BYSL: variants seen among roughly 807,000 people sequenced by gnomAD.
BYSL encodes the protein bystin.
A neutral mutation model predicts 45.4 loss-of-function variants in BYSL; 21 were observed. The ratio of observed to expected loss-of-function variants is 0.46; its 90% confidence interval spans 0.33 to 0.67. The LOEUF is 0.67. Among genes scored for constraint, BYSL ranks in the 30% least tolerant of loss-of-function variants. The probability of loss-of-function intolerance (pLI) is 0.02; values close to 1 mark genes in which losing one functional copy is unlikely to be tolerated. For missense variants in BYSL, 522 were observed against 578.5 expected (o/e 0.90, Z 1.00); for synonymous variants, 215 against 231.3 (o/e 0.93, Z 0.64).
At chr6:41,920,325 C>T (rs1775427440), upstream of BYSL, among the ~76,000 whole-genome samples, 1 of 152,072 alleles carries the variant, frequency 6.6e-6, no homozygotes, top group African/African-American at 2.4e-5. Context: ...CAGACACAAG[C>T]GGGTCTAACT....
rs529789109 is a variant in BYSL at position 41,926,739 on chromosome 6, G to A, written c.269-635G>A. ...GCTGGGATTACAGGCGTGAGCCACC[G>A]TGCCCGGCCACTTCTTGGGTTTATA... On this transcript the variant is annotated intron_variant, in intron 1 of 6. Coordinates refer to ENST00000230340, the MANE Select transcript of BYSL (RefSeq NM_004053.4). 4.0e-5 allele frequency among the ~76,000 whole-genome samples: 6 copies of A among 150,346 alleles called. No individual in the cohort carries two copies. In the East Asian group the frequency reaches 8.1e-4, roughly 20 times the overall value.
upstream of BYSL, among the ~76,000 whole-genome samples, chr6:41,919,076 C>A (rs1450650130): frequency 1.3e-5 from 2 of 148,338 alleles, no homozygotes; most frequent in Non-Finnish European, 3.0e-5. Flanking sequence ...TTGCAGTGAG[C>A]CGAGATCACG....
chr6:41,931,646 C>T (rs1283753072), intron 5 of BYSL, 82 bp from the exon 6 acceptor site: 11 of 1,608,184 alleles, frequency 6.8e-6, no homozygotes, highest in Non-Finnish European at 9.4e-6. Flanking sequence ...CTAGCTGTCC[C>T]TGGGCTGGGT....
At chr6:41,909,198 G>GA in the BYSL span, 5 of 1,527,892 alleles carry the variant, frequency 3.3e-6, no homozygotes, top group Non-Finnish European at 4.4e-6. Context: ...AGAAGAACTG[G>GA]AAAATCTTCA....
In BYSL at chr6:41,930,139, C is replaced by T. The variant is rs759142222; in HGVS notation, c.439C>T (p.Leu147=). 1 of 1,614,144 alleles carries T rather than the reference C, an allele frequency of 6.2e-7. No homozygotes were observed. Among genetic ancestry groups the T allele is most frequent in the South Asian group, 1.1e-5 (1 of 91,086 alleles). ...MNKNPPARRT[L]ADIIMEKLTE... ...TGGCACTTCCCCTCTTAGGCGCACC[C>T]TGGCTGACATCATCATGGAGAAGCT... Residue 147 remains leucine (L), a synonymous_variant, in exon 3 of 7, where the codon CTG becomes TTG. Transcript: ENST00000230340.
the BYSL span, chr6:41,909,517 T>C: frequency 6.2e-7 from 1 of 1,614,092 alleles, no homozygotes; most frequent in East Asian, 2.2e-5. Flanking sequence ...AGCTTCCCGG[T>C]CTGACCTGCA....
At chr6:41,930,876 G>C in intron 4 of BYSL, 108 bp downstream of exon 4, 1 of 1,424,768 alleles carries the variant, frequency 7.0e-7, no homozygotes, top group South Asian at 1.4e-5. Flanking sequence ...CTTTGCCCCA[G>C]GGCCCTCTCT....
intron 4 of BYSL, 113 bp from the exon 5 acceptor site, chr6:41,931,283 G>A: frequency 1.6e-6 from 2 of 1,245,104 alleles, no homozygotes; most frequent in Non-Finnish European, 2.3e-6. Flanking sequence ...CTGAAAGAAA[G>A]GTCCCATATT....
the BYSL span, among the ~76,000 whole-genome samples, chr6:41,910,490 G>A: frequency 1.2e-4 from 18 of 151,922 alleles, no homozygotes; most frequent in African/African-American, 3.6e-4. Context: ...AAATTATCTG[G>A]GTGTGGCGGT....
intron 1 of BYSL, among the ~76,000 whole-genome samples, chr6:41,924,143 CT>C (rs1775530876): frequency 6.6e-6 from 1 of 151,912 alleles, no homozygotes; most frequent in African/African-American, 2.4e-5. Context: ...TCACTGCAAC[CT>C]CCACCTCCCG....
At chr6:41,915,527 C>T in the BYSL span, among the ~76,000 whole-genome samples, 1 of 152,058 alleles carries the variant, frequency 6.6e-6, no homozygotes, top group African/African-American at 2.4e-5. Flanking sequence ...GTGGCTCACG[C>T]CTATAATCCC....
At chr6:41,917,228 C>T (rs796845370), upstream of BYSL, among the ~76,000 whole-genome samples, 2 of 152,076 alleles carry the variant, frequency 1.3e-5, no homozygotes, top group African/African-American at 4.8e-5. Context: ...GGTGAAACCC[C>T]GTCTCTACTA....
upstream of BYSL, among the ~76,000 whole-genome samples, chr6:41,919,571 A>C (rs1358342268): frequency 6.6e-6 from 1 of 152,150 alleles, no homozygotes; most frequent in Non-Finnish European, 1.5e-5. Flanking sequence ...AAGTCCTAGG[A>C]TTCTGAAAAC....
chr6:41,924,453 A>G (rs1775536307), intron 1 of BYSL, among the ~76,000 whole-genome samples: 1 of 152,168 alleles, frequency 6.6e-6, no homozygotes, highest in African/African-American at 2.4e-5. Flanking sequence ...GGGTGCGTTC[A>G]GGGTGGTATG....
At chr6:41,929,943 T>C (rs1169215718) in intron 2 of BYSL, among the ~76,000 whole-genome samples, 189 bp from the exon 3 acceptor site, 4 of 152,234 alleles carry the variant, frequency 2.6e-5, no homozygotes, top group Non-Finnish European at 4.4e-5. Flanking sequence ...TCAGTTCCTT[T>C]GCACCCTGCA....
chr6:41,928,284 T>C (rs998659705), intron 2 of BYSL, among the ~76,000 whole-genome samples: 2 of 152,198 alleles, frequency 1.3e-5, no homozygotes, highest in African/African-American at 2.4e-5. Context: ...AACATAATGG[T>C]GTCCCTGATA....
the BYSL span, among the ~76,000 whole-genome samples, chr6:41,911,998 G>A: frequency 6.6e-4 from 100 of 151,864 alleles, no homozygotes; most frequent in Admixed American, 1.8e-3. Context: ...GTGTGTGTGC[G>A]CTTAATGAAG....
chr6:41,924,177 C>T (rs1434818889), intron 1 of BYSL, among the ~76,000 whole-genome samples: 2 of 151,914 alleles, frequency 1.3e-5, no homozygotes, highest in East Asian at 3.9e-4. Context: ...TCTCCTGCCT[C>T]AGCCTCCCAA....
At chr6:41,910,503 A>T in the BYSL span, among the ~76,000 whole-genome samples, 2 of 151,846 alleles carry the variant, frequency 1.3e-5, no homozygotes, top group East Asian at 3.9e-4. Context: ...GTGGCGGTGC[A>T]CGCCTGTAAT....
Sources: allele counts gnomAD v4.1 joint callset (sites outside exome capture counted in the v4.1 genomes callset), GRCh38; gene constraint gnomAD v4.1.1; transcripts MANE v1.5; gene names NCBI Gene and HGNC (gene_info 2026-07-23, HGNC 2026-07-21).